Variants in NETO1 observed in about 807,000 individuals in gnomAD.
NETO1 encodes the protein neuropilin and tolloid-like protein 1.
NETO1 carries 26 observed loss-of-function variants against 61.3 expected under a neutral mutation model. The observed-to-expected ratio is 0.42, with a 90% CI of 0.31 to 0.59. The LOEUF (loss-of-function observed/expected upper bound fraction) is 0.59, where lower values mean the gene tolerates loss of function less well. Ranked by LOEUF, NETO1 falls within the 20% of genes least tolerant of loss-of-function variation. NETO1 has a pLI of 0.12. For missense variants in NETO1, 531 were observed against 662.8 expected (o/e 0.80, Z 2.18); for synonymous variants, 225 against 225.8 (o/e 1.00, Z 0.03).
At chr18:72,843,283 G>A (rs2145497784) in intron 4 of NETO1, among the ~76,000 whole-genome samples, 1 of 152,224 alleles carries the variant, frequency 6.6e-6, no homozygotes, top group Admixed American at 6.5e-5. Context: ...CTAGCAGAGA[G>A]AATCAAACAA....
At chr18:72,749,219 A>G (rs868423587) in intron 9 of NETO1, 131 bp from the exon 10 acceptor site, 28 of 607,528 alleles carry the variant, frequency 4.6e-5, no homozygotes, top group Non-Finnish European at 6.5e-5. Flanking sequence ...CATGCAAAAC[A>G]TATCAAATCA....
At chr18:72,827,733 A>AG (rs2073429977) in intron 4 of NETO1, among the ~76,000 whole-genome samples, 1 of 151,510 alleles carries the variant, frequency 6.6e-6, no homozygotes, top group Non-Finnish European at 1.5e-5. Context: ...AAAAAAAAAA[A>AG]AAAAGAAAGG....
At chr18:72,804,233 A>G (rs1018331157) in intron 4 of NETO1, among the ~76,000 whole-genome samples, 16 of 152,178 alleles carry the variant, frequency 1.1e-4, no homozygotes, top group Admixed American at 7.2e-4. Context: ...TAGGAGAGGA[A>G]AGGAGTTTTG....
At chr18:72,768,037 A>C (rs2071223418) in intron 7 of NETO1, among the ~76,000 whole-genome samples, 1 of 152,244 alleles carries the variant, frequency 6.6e-6, no homozygotes, top group East Asian at 1.9e-4. Flanking sequence ...ATCACACGTA[A>C]GAAAGTGGAA....
At chr18:72,798,401 A>C (rs2072392516) in intron 4 of NETO1, among the ~76,000 whole-genome samples, 1 of 152,216 alleles carries the variant, frequency 6.6e-6, no homozygotes, top group Admixed American at 6.5e-5. Context: ...AAGAAGTTTG[A>C]CTGCACAGAG....
chr18:72,800,838 C>T (rs894285321), intron 4 of NETO1, among the ~76,000 whole-genome samples: 4 of 151,984 alleles, frequency 2.6e-5, no homozygotes, highest in Non-Finnish European at 4.4e-5. Context: ...GTTACTTTAC[C>T]CCAACTTGAT....
Position 72,858,969 on chromosome 18 carries a change from C to T in NETO1, c.326G>A (p.Gly109Asp). 5 of 1,613,738 alleles carry T rather than the reference C, an allele frequency of 3.1e-6. No homozygotes were observed. Among genetic ancestry groups the T allele is most frequent in the Non-Finnish European group, 4.2e-6 (5 of 1,179,830 alleles). Reference protein sequence around the residue: ...DHIEVRDGPFGFSPIIGRFCG... With the variant: ...DHIEVRDGPFDFSPIIGRFCG... Reference sequence around the variant, plus strand: ...GAAACGTCCAATTATTGGAGAAAAGCCAAAAGGTCCATCTCGAACTTCAAT... The same window carrying T: ...GAAACGTCCAATTATTGGAGAAAAGTCAAAAGGTCCATCTCGAACTTCAAT... Residue 109 changes from glycine (G) to aspartate (D), a missense_variant, in exon 4 of 11, where the codon GGC becomes GAC. Gly to Asp is a moderately conservative substitution (Grantham distance 94). Coordinates refer to ENST00000327305, the MANE Select transcript of NETO1 (RefSeq NM_138966.5).
chr18:72,848,841 A>G (rs976447419), intron 4 of NETO1, among the ~76,000 whole-genome samples: 1 of 152,174 alleles, frequency 6.6e-6, no homozygotes, highest in African/African-American at 2.4e-5. Flanking sequence ...TTCAATCTTT[A>G]TATCTGTCTC....
At chr18:72,838,381 T>C (rs1011603553) in intron 4 of NETO1, among the ~76,000 whole-genome samples, 1 of 152,214 alleles carries the variant, frequency 6.6e-6, no homozygotes, top group Non-Finnish European at 1.5e-5. Flanking sequence ...AAGATGAGTC[T>C]TGTGACATCT....
intron 4 of NETO1, among the ~76,000 whole-genome samples, chr18:72,837,833 T>G (rs2073801281): frequency 6.6e-6 from 1 of 152,198 alleles, no homozygotes. Context: ...AGGACTCACT[T>G]TCTGATAGTA....
intron 4 of NETO1, among the ~76,000 whole-genome samples, chr18:72,826,001 T>G (rs930643651): frequency 2.0e-5 from 3 of 152,260 alleles, no homozygotes; most frequent in African/African-American, 7.2e-5. Context: ...TGCAGAGTTG[T>G]AAACACATTG....
chr18:72,748,080 A>G lies in NETO1; in HGVS notation c.*99T>C. ...CTTAAGTTTGGATAAAGGCAGTGGA[A>G]TGAATTTAGAAATATGTCCACTTTT... On this transcript the variant is annotated 3_prime_UTR_variant, in exon 11 of 11. Transcript: ENST00000327305. The G allele has an allele frequency of 2.2e-6, 2 of 904,252 alleles. No homozygotes were observed. The highest frequency in any genetic ancestry group is 2.6e-6 in the Non-Finnish European group (2 of 755,612). 56.0% of individuals were successfully genotyped at this position (904,252 alleles called of 1,614,324 possible).
intron 4 of NETO1, among the ~76,000 whole-genome samples, chr18:72,828,968 TAA>T (rs11354646): frequency 6.6e-6 from 1 of 151,498 alleles, no homozygotes; most frequent in African/African-American, 2.4e-5. Flanking sequence ...AGAACTGTTC[TAA>T]AAAAAAAATC....
chr18:72,818,303 G>A (rs2073088181), intron 4 of NETO1, among the ~76,000 whole-genome samples: 2 of 152,142 alleles, frequency 1.3e-5, no homozygotes, highest in Admixed American at 6.5e-5. Flanking sequence ...ATTCTTTTGT[G>A]TGCTTTACTC....
intron 7 of NETO1, among the ~76,000 whole-genome samples, chr18:72,777,609 G>A (rs1241852153): frequency 6.6e-6 from 1 of 151,802 alleles, no homozygotes; most frequent in African/African-American, 2.4e-5. Context: ...AGGGCGTGGT[G>A]GCGGGTGCCT....
At chr18:72,822,596 G>T (rs551609027) in intron 4 of NETO1, among the ~76,000 whole-genome samples, 1 of 152,196 alleles carries the variant, frequency 6.6e-6, no homozygotes, top group Non-Finnish European at 1.5e-5. Flanking sequence ...AAGCAAAATC[G>T]TGAGCTCAGA....
At chr18:72,859,141 CTATTTCAGATGT>C in intron 3 of NETO1, 67 bp from the exon 4 acceptor site, 1 of 1,433,894 alleles carries the variant, frequency 7.0e-7, no homozygotes, top group Non-Finnish European at 9.4e-7. Flanking sequence ...TTTTCTGATT[CTATTTCAGATGT>C]TATTTGTACA....
intron 4 of NETO1, among the ~76,000 whole-genome samples, chr18:72,796,932 C>G (rs72966371): frequency 6.6e-6 from 1 of 152,008 alleles, no homozygotes; most frequent in Admixed American, 6.6e-5. Flanking sequence ...TCAATAAATA[C>G]ATATTTAACA....
chr18:72,775,488 C>T (rs1227475739), intron 7 of NETO1, among the ~76,000 whole-genome samples: 1 of 152,074 alleles, frequency 6.6e-6, no homozygotes, highest in African/African-American at 2.4e-5. Flanking sequence ...TTATAGTGTA[C>T]TTTTGTCTTA....
Sources: gnomAD v4.1 joint callset for allele counts (sites outside exome capture counted in the v4.1 genomes callset) on GRCh38, gnomAD v4.1.1 for gene constraint, MANE v1.5 for transcripts, NCBI Gene and HGNC (gene_info 2026-07-23, HGNC 2026-07-21) for gene names.